The following PAX9 variants were observed in gnomAD, a reference collection of about 807,000 sequenced individuals.
The protein encoded by PAX9 is paired box 9.
A neutral mutation model predicts 29.1 loss-of-function variants in PAX9; 6 were observed. The ratio of observed to expected loss-of-function variants is 0.21; its 90% CI spans 0.11 to 0.41. The LOEUF is 0.41. PAX9 is among the 10% of genes least tolerant of loss of function. The probability of loss-of-function intolerance (pLI) is 1.00; values close to 1 mark genes in which losing one functional copy is unlikely to be tolerated. For missense variants in PAX9, 443 were observed against 479.1 expected (o/e 0.92, Z 0.70); for synonymous variants, 217 against 211.7 (o/e 1.03, Z -0.22).
In PAX9 at chr14:36,676,418, A is replaced by G; in HGVS notation, c.992A>G (p.Glu331Gly). 1.2e-6 allele frequency: 2 copies of G among 1,613,966 alleles called. No homozygotes were observed. Among genetic ancestry groups the G allele is most frequent in the Non-Finnish European group, 1.7e-6 (2 of 1,180,014 alleles). The change falls in exon 4 of 4, where the codon GAA (glutamate) becomes GGA (glycine). Residue 331 changes from glutamate (E) to glycine (G), a missense_variant. Glu to Gly is a moderately conservative substitution (Grantham distance 98). Coordinates refer to ENST00000361487, the MANE Select transcript of PAX9 (RefSeq NM_001372076.1). The stretch of plus-strand genomic sequence containing the variant: ...TTCAAGGGAATGCAGGCAGCCAGAG[A>G]AGGTAGTCATTCTGTCACGGCTTCC... ...LAFKGMQAAR[E>G]GSHSVTASAL
intron 3 of PAX9, chr14:36,671,192 G>A: frequency 3.4e-6 from 1 of 297,628 alleles, no homozygotes; most frequent in Non-Finnish European, 6.7e-6. Context: ...ATAAGTGAAA[G>A]CAGATTGTGG....
At position 36,666,363 on chromosome 14, in the gene PAX9, CTA is replaced by C. The variant is rs1477845541; in HGVS notation, c.632-98_632-97del. ...CAAGGGCAGGGAGCCGACCCAAGGTCTAAGCCCTCCAGCTCTCCGTCGCGGGT... is the reference window on the plus strand; with the variant it reads ...CAAGGGCAGGGAGCCGACCCAAGGTCAGCCCTCCAGCTCTCCGTCGCGGGT... On this transcript the variant is annotated intron_variant, in intron 2 of 3. Coordinates refer to ENST00000361487, the MANE Select transcript of PAX9 (RefSeq NM_001372076.1). 2.7e-5 allele frequency: 40 copies of C among 1,491,942 alleles called. No homozygotes were observed. The East Asian group carries it at 9.8e-4, about 37-fold the overall frequency. The allele number at this position is 1,491,942 out of a possible 1,614,324, so 92.4% of individuals were successfully genotyped here.
At position 36,678,895 on chromosome 14, in the gene PAX9, AG is replaced by A; in HGVS notation, c.*2444del. ...CTATTCAAAGAAAATTATGATTTAA[AG>A]CCACTTTTTAAAATACGAGAAGGAA... On this transcript the variant is annotated 3_prime_UTR_variant, in exon 4 of 4. Transcript: ENST00000361487. 4.1e-6 allele frequency: 4 copies of A among 976,724 alleles called. No homozygotes were observed. The highest frequency in any genetic ancestry group is 4.9e-6 in the Non-Finnish European group (4 of 821,188). 60.5% of individuals were successfully genotyped at this position (976,724 alleles called of 1,614,324 possible). A position where few individuals can be genotyped will look rare whatever the true frequency, so the allele number is the denominator to read the frequency against.
rs139008563 is a variant in PAX9 at position 36,663,320 on chromosome 14, A to G, written c.428A>G (p.Tyr143Cys). Residue 143 changes from tyrosine (Y) to cysteine (C), a missense_variant, in exon 2 of 4, where the codon TAC (tyrosine) becomes TGC (cysteine). Transcript: ENST00000361487. ...GCCCAGCAGGGTCATTACGACTCAT[A>G]CAAGCAGCACCAGCCGACGCCGCAG... is the stretch of plus-strand genomic sequence containing the variant. ...NLAQQGHYDS[Y>C]KQHQPTPQPA... is the part of the protein sequence containing the mutation. The G allele has an allele frequency of 3.5e-4, 566 of 1,614,014 alleles. No homozygotes were observed. Among genetic ancestry groups the G allele is most frequent in the Non-Finnish European group, 4.6e-4 (548 of 1,180,042 alleles).
At chr14:36,659,637 C>T (rs1046633548), upstream of PAX9, among the ~76,000 whole-genome samples, 1 of 152,218 alleles carries the variant, frequency 6.6e-6, no homozygotes, top group Non-Finnish European at 1.5e-5. Flanking sequence ...GACAGGCCCC[C>T]TGCCCACTGA....
At chr14:36,670,857 G>C (rs1426438233) in intron 3 of PAX9, among the ~76,000 whole-genome samples, 1 of 152,008 alleles carries the variant, frequency 6.6e-6, no homozygotes, top group East Asian at 1.9e-4. Context: ...CCATTTCTTA[G>C]AGACATTTAC....
At chr14:36,666,872 T>C (rs1881520578) in intron 3 of PAX9, among the ~76,000 whole-genome samples, 1 of 152,004 alleles carries the variant, frequency 6.6e-6, no homozygotes, top group African/African-American at 2.4e-5. Flanking sequence ...GGCGAGGCTC[T>C]GGGAAGCGCC....
chr14:36,678,258 C>A lies in PAX9; in HGVS notation c.*1806C>A, dbSNP rs1882000694. 1.8e-6 allele frequency: 1 copy of A among 557,502 alleles called. No individual in the cohort carries two copies. The allele number at this position is 557,502 out of a possible 1,614,324, so 34.5% of individuals were successfully genotyped here. ...AAATCACTAGGATGTAAACAGTAAG[C>A]AGATTTCTGACACACAAATTATGTT... On this transcript the variant is annotated 3_prime_UTR_variant, in exon 4 of 4. Transcript: ENST00000361487.
chr14:36,675,833 G>A (rs1456427814), intron 3 of PAX9, among the ~76,000 whole-genome samples: 1 of 152,170 alleles, frequency 6.6e-6, no homozygotes, highest in East Asian at 1.9e-4. Flanking sequence ...TCCCAGGAAG[G>A]TTGACAAAGG....
intron 3 of PAX9, among the ~76,000 whole-genome samples, chr14:36,667,062 G>C (rs1022034695): frequency 6.6e-6 from 1 of 152,290 alleles, no homozygotes. Flanking sequence ...TCGGCCCCAC[G>C]GTGCGACTGC....
chr14:36,662,582 G>C lies in PAX9; in HGVS notation c.5-315G>C, dbSNP rs947363684. Reference sequence around the variant, plus strand: ...GTGAGGAGCAGGCGAGAAGGAGCACGTTCAGGCGTCAAGACCGATTTCTCC... The same window carrying C: ...GTGAGGAGCAGGCGAGAAGGAGCACCTTCAGGCGTCAAGACCGATTTCTCC... On this transcript the variant is annotated intron_variant, in intron 1 of 3. Coordinates refer to ENST00000361487, the MANE Select transcript of PAX9 (RefSeq NM_001372076.1). 1.4e-4 allele frequency: 69 copies of C among 484,128 alleles called. No individual in the cohort carries two copies. In the East Asian group the frequency reaches 2.4e-3, roughly 17 times the overall value. 30.0% of individuals were successfully genotyped at this position (484,128 alleles called of 1,614,324 possible).
intron 2 of PAX9, among the ~76,000 whole-genome samples, chr14:36,665,508 A>G (rs770256545): frequency 4.7e-4 from 71 of 152,252 alleles, no homozygotes; most frequent in Non-Finnish European, 8.4e-4. Flanking sequence ...GCCTTCACAT[A>G]TCTCTTTGAA....
At chr14:36,666,625 G>GT (rs1881503656) in intron 3 of PAX9, 24 bp downstream of exon 3, 2 of 1,556,020 alleles carry the variant, frequency 1.3e-6, no homozygotes, top group African/African-American at 2.7e-5. Flanking sequence ...GGTCAGGCCA[G>GT]GTGGGCCGCG....
chr14:36,659,310 C>T (rs988326336), upstream of PAX9, among the ~76,000 whole-genome samples: 1 of 151,930 alleles, frequency 6.6e-6, no homozygotes, highest in African/African-American at 2.4e-5. Context: ...CTCTCTTTTC[C>T]TTCCTTCATC....
chr14:36,659,067 G>A (rs1199840640), upstream of PAX9, among the ~76,000 whole-genome samples: 1 of 152,210 alleles, frequency 6.6e-6, no homozygotes, highest in Non-Finnish European at 1.5e-5. Context: ...AGGCCTCGAC[G>A]CGGCTAGGGA....
chr14:36,670,652 G>C (rs1344882570), intron 3 of PAX9, among the ~76,000 whole-genome samples: 2 of 151,974 alleles, frequency 1.3e-5, no homozygotes, highest in African/African-American at 4.8e-5. Context: ...AATGTTATCT[G>C]TTATGAAAAA....
In PAX9 at chr14:36,662,024, G is replaced by A; in HGVS notation, c.-66G>A. 6.4e-7 allele frequency: 1 copy of A among 1,552,834 alleles called. No homozygotes were observed. The highest frequency in any genetic ancestry group is 8.7e-7 in the Non-Finnish European group (1 of 1,148,492). ...GGATAGCAACAGGCCGGGCCACTGA[G>A]GCGGTGCGGAAAGTTTCTGTCTGGG... On this transcript the variant is annotated 5_prime_UTR_variant, in exon 1 of 4. Coordinates refer to ENST00000361487, the MANE Select transcript of PAX9 (RefSeq NM_001372076.1).
At chr14:36,659,673 G>A (rs1034047659), upstream of PAX9, among the ~76,000 whole-genome samples, 4 of 152,184 alleles carry the variant, frequency 2.6e-5, no homozygotes, top group Non-Finnish European at 4.4e-5. Flanking sequence ...ACGCCCAGGG[G>A]ATCCGCAGCA....
upstream of PAX9, among the ~76,000 whole-genome samples, chr14:36,658,208 C>G (rs1429340784): frequency 5.9e-5 from 9 of 152,168 alleles, no homozygotes; most frequent in Non-Finnish European, 1.5e-5. Flanking sequence ...GCGCAATGCC[C>G]CAACTGACCC....
Sources: allele counts gnomAD v4.1 joint callset (sites outside exome capture counted in the v4.1 genomes callset), GRCh38; gene constraint gnomAD v4.1.1; transcripts MANE v1.5; gene names NCBI Gene and HGNC (gene_info 2026-07-23, HGNC 2026-07-21).